The following QTMAN variants were observed in gnomAD, a reference collection of about 807,000 sequenced individuals.
The protein encoded by QTMAN is queuosine-tRNA mannosyltransferase, also known as tRNA-queuosine alpha-mannosyltransferase.
At chr2:144,101,014 C>A in the QTMAN span, among the ~76,000 whole-genome samples, 3 of 151,772 alleles carry the variant, frequency 2.0e-5, no homozygotes, top group Non-Finnish European at 2.9e-5. Context: ...GGACTACAGG[C>A]ACCTGCCACC....
At chr2:144,073,196 A>G in the QTMAN span, among the ~76,000 whole-genome samples, 1 of 151,614 alleles carries the variant, frequency 6.6e-6, no homozygotes, top group Non-Finnish European at 1.5e-5. Context: ...CTCACTCACT[A>G]TAAAAATGTG....
chr2:144,267,321 G>A, the QTMAN span, among the ~76,000 whole-genome samples: 1 of 152,224 alleles, frequency 6.6e-6, no homozygotes, highest in Non-Finnish European at 1.5e-5. Flanking sequence ...ACACCTCAGA[G>A]ACAGGTATTA....
At chr2:144,046,126 A>T in the QTMAN span, among the ~76,000 whole-genome samples, 3 of 152,314 alleles carry the variant, frequency 2.0e-5, no homozygotes, top group South Asian at 6.2e-4. Context: ...TCTCTGCAGG[A>T]ACATAAATAA....
chr2:144,308,556 C>T, the QTMAN span, among the ~76,000 whole-genome samples: 2 of 152,044 alleles, frequency 1.3e-5, no homozygotes, highest in Non-Finnish European at 2.9e-5. Context: ...CCTTACCGCA[C>T]ACTATATATA....
chr2:144,069,452 C>T, the QTMAN span, among the ~76,000 whole-genome samples: 263 of 151,952 alleles, frequency 1.7e-3, 1 homozygote, highest in Non-Finnish European at 3.0e-3. Context: ...ATAGTGTGAC[C>T]TAAAAATCCC....
the QTMAN span, among the ~76,000 whole-genome samples, chr2:144,143,047 C>A: frequency 3.9e-5 from 6 of 152,074 alleles, no homozygotes; most frequent in South Asian, 2.1e-4. Flanking sequence ...CAAGGGTAAA[C>A]AACCAATACT....
the QTMAN span, among the ~76,000 whole-genome samples, chr2:144,061,163 A>G: frequency 6.6e-6 from 1 of 152,218 alleles, no homozygotes. Context: ...AAACAGGACC[A>G]AAATATCTTC....
chr2:144,062,673 C>T, the QTMAN span, among the ~76,000 whole-genome samples: 5 of 152,154 alleles, frequency 3.3e-5, no homozygotes, highest in African/African-American at 1.2e-4. Context: ...ATTCTGTCGA[C>T]TTTATTAACA....
chr2:144,153,858 C>A, the QTMAN span, among the ~76,000 whole-genome samples: 1 of 152,300 alleles, frequency 6.6e-6, no homozygotes, highest in East Asian at 1.9e-4. Context: ...TCTCTACACA[C>A]ATCACTACCA....
At chr2:143,991,015 TAA>T in the QTMAN span, among the ~76,000 whole-genome samples, 498 of 151,976 alleles carry the variant, frequency 3.3e-3, 7 homozygotes, top group African/African-American at 0.012. Flanking sequence ...CAACAAAGCT[TAA>T]GAGAGGATTA....
chr2:144,250,844 C>T, the QTMAN span, among the ~76,000 whole-genome samples: 1 of 150,700 alleles, frequency 6.6e-6, no homozygotes, highest in Admixed American at 6.6e-5. Flanking sequence ...TTATTAGACA[C>T]TGACTTACAC....
the QTMAN span, among the ~76,000 whole-genome samples, chr2:144,067,453 C>T: frequency 2.0e-5 from 3 of 152,252 alleles, no homozygotes; most frequent in Non-Finnish European, 2.9e-5. Flanking sequence ...TAGCATTTAG[C>T]GAGGACAATA....
chr2:144,064,395 TTG>T, the QTMAN span, among the ~76,000 whole-genome samples: 2 of 152,190 alleles, frequency 1.3e-5, no homozygotes, highest in Non-Finnish European at 2.9e-5. Flanking sequence ...CAAATTATTA[TTG>T]TGTCTTAAAC....
chr2:144,196,936 T>G, the QTMAN span, among the ~76,000 whole-genome samples: 1 of 152,226 alleles, frequency 6.6e-6, no homozygotes, highest in Admixed American at 6.5e-5. Context: ...ACTTATTGAT[T>G]GTGTGTATTT....
chr2:143,978,521 A>C, the QTMAN span, among the ~76,000 whole-genome samples: 1 of 152,168 alleles, frequency 6.6e-6, no homozygotes, highest in Non-Finnish European at 1.5e-5. Context: ...CAGCTGTCTA[A>C]CTTGCCAATG....
chr2:144,197,360 T>A, the QTMAN span, among the ~76,000 whole-genome samples: 2 of 152,016 alleles, frequency 1.3e-5, no homozygotes, highest in Non-Finnish European at 2.9e-5. Context: ...TGTGTATATG[T>A]ATATATGTAA....
At chr2:144,155,394 G>C in the QTMAN span, among the ~76,000 whole-genome samples, 1 of 152,130 alleles carries the variant, frequency 6.6e-6, no homozygotes, top group African/African-American at 2.4e-5. Context: ...AGTGTGCTGG[G>C]AACACTTCAT....
At chr2:144,103,461 G>A in the QTMAN span, among the ~76,000 whole-genome samples, 1 of 152,152 alleles carries the variant, frequency 6.6e-6, no homozygotes, top group Non-Finnish European at 1.5e-5. Flanking sequence ...GGTGCAGCAA[G>A]AGGAAAAGGA....
the QTMAN span, among the ~76,000 whole-genome samples, chr2:144,133,143 ATATATATAATAT>A: frequency 0.029 from 1,825 of 62,578 alleles, 51 homozygotes; most frequent in East Asian, 0.055. Context: ...ATATATATAT[ATATATATAATAT>A]AATATAATAT....
Sources: allele counts gnomAD v4.1 joint callset (sites outside exome capture counted in the v4.1 genomes callset), GRCh38; gene constraint gnomAD v4.1.1; transcripts MANE v1.5; gene names NCBI Gene and HGNC (gene_info 2026-07-23, HGNC 2026-07-21).